The following DDB2 variants were observed in gnomAD, a reference collection of about 807,000 sequenced individuals.
DDB2 encodes the protein damage specific DNA binding protein 2.
A neutral mutation model predicts 50.5 loss-of-function variants in DDB2; 27 were observed. The ratio of observed to expected loss-of-function variants is 0.53; its 90% CI spans 0.39 to 0.74. DDB2 has a LOEUF of 0.74. Among genes scored for constraint, DDB2 ranks in the 30% least tolerant of loss-of-function variants. The pLI is 0.00. For synonymous variants in DDB2, 176 were observed against 205.5 expected, an observed-to-expected ratio of 0.86 and a Z score of 1.23; for missense variants, 424 against 545.6, an observed-to-expected ratio of 0.78 and a Z score of 2.22.
chr11:47,221,653 C>G (rs1310023445), intron 3 of DDB2: 4 of 152,296 alleles, frequency 2.6e-5, no homozygotes, highest in Non-Finnish European at 4.4e-5. Context: ...CCGTGTTGGC[C>G]AGGCTCGTCT....
upstream of DDB2, chr11:47,214,940 G>A (rs1953377716): frequency 2.8e-6 from 2 of 716,256 alleles, no homozygotes; most frequent in Non-Finnish European, 4.5e-6. Context: ...AAGGGGCGGG[G>A]TCTCCGAGAC....
At chr11:47,218,167 A>G (rs1191987303) in intron 3 of DDB2, among the ~76,000 whole-genome samples, 4 of 152,166 alleles carry the variant, frequency 2.6e-5, no homozygotes, top group African/African-American at 7.2e-5. Context: ...CATTCCCTGT[A>G]TCATTACCCT....
chr11:47,228,714 T>C (rs566912178), intron 3 of DDB2, among the ~76,000 whole-genome samples: 12 of 151,274 alleles, frequency 7.9e-5, no homozygotes, highest in African/African-American at 2.9e-4. Context: ...TCATGACTGT[T>C]GGGAGGCCGA....
At chr11:47,220,920 GA>G (rs1953476251) in intron 3 of DDB2, among the ~76,000 whole-genome samples, 1 of 152,178 alleles carries the variant, frequency 6.6e-6, no homozygotes, top group Non-Finnish European at 1.5e-5. Flanking sequence ...AGCACTTTGG[GA>G]GGCCGAGGCG....
intron 7 of DDB2, 56 bp from the exon 8 acceptor site, chr11:47,237,781 G>A: frequency 1.9e-6 from 3 of 1,568,738 alleles, no homozygotes. Context: ...TGTTTTTGAT[G>A]TCCCCCTTGA....
At chr11:47,235,458 G>C (rs1406399173) in intron 7 of DDB2, 46 bp downstream of exon 7, 1 of 1,591,096 alleles carries the variant, frequency 6.3e-7, no homozygotes, top group Non-Finnish European at 8.5e-7. Flanking sequence ...CTGTGATCAT[G>C]AGGCCGGAGC....
intron 4 of DDB2, 128 bp downstream of exon 4, chr11:47,233,087 G>A (rs948965666): frequency 2.7e-5 from 31 of 1,142,094 alleles, no homozygotes; most frequent in Admixed American, 2.2e-4. Flanking sequence ...GCCACTTTCC[G>A]CCCTTCTTTC....
chr11:47,221,931 G>T (rs904876715), intron 3 of DDB2, among the ~76,000 whole-genome samples: 12 of 152,204 alleles, frequency 7.9e-5, no homozygotes, highest in African/African-American at 2.7e-4. Context: ...ATAAACTGCA[G>T]CTATTTCAAG....
intron 7 of DDB2, 160 bp from the exon 8 acceptor site, chr11:47,237,677 C>T (rs772949340): frequency 6.6e-5 from 47 of 710,624 alleles, no homozygotes; most frequent in East Asian, 4.7e-4. Flanking sequence ...CCTCGTGATC[C>T]GCCTGCCTCA....
Position 47,237,859 on chromosome 11 carries a change from A to G in DDB2, c.1046A>G (p.Asn349Ser). Residue 349 changes from asparagine (N) to serine (S), a missense_variant, in exon 8 of 10, where the codon AAC (asparagine) becomes AGC (serine). Transcript: ENST00000256996. Reference sequence around the variant, plus strand: ...TAGGCAGCCTGGCATCCTCGCTACAACCTCATTGTTGTGGGCCGATACCCA... The same window carrying G: ...TAGGCAGCCTGGCATCCTCGCTACAGCCTCATTGTTGTGGGCCGATACCCA... ...PIKAAWHPRY[N>S]LIVVGRYPDP... 1 of 1,613,894 alleles carries G rather than the reference A, an allele frequency of 6.2e-7. No homozygotes were observed. The highest frequency in any genetic ancestry group is 8.5e-7 in the Non-Finnish European group (1 of 1,179,962).
rs199920301 is a variant in DDB2, at chr11:47,237,980, A to G, written c.1167A>G (p.Pro389=). ...AGATGATGTGTCAGCTCTATGACCC[A>G]GAATCTTCTGGCATCAGTTCGGTGA... ...SGKMMCQLYD[P]ESSGISSLNE... Residue 389 remains proline (P), a synonymous_variant, in exon 8 of 10, where the codon CCA becomes CCG. Transcript: ENST00000256996. 2 of 1,614,244 alleles carry G rather than the reference A, an allele frequency of 1.2e-6. No homozygotes were observed. Among genetic ancestry groups the G allele is most frequent in the East Asian group, 4.5e-5 (2 of 44,880 alleles).
intron 6 of DDB2, 106 bp from the exon 7 acceptor site, chr11:47,235,164 C>G (rs1953707013): frequency 1.3e-6 from 2 of 1,511,098 alleles, no homozygotes; most frequent in South Asian, 2.3e-5. Flanking sequence ...CCGCTCCTGT[C>G]TAGAGAGGAG....
chr11:47,215,963 A>G (rs1953394693), intron 1 of DDB2: 1 of 340,994 alleles, frequency 2.9e-6, no homozygotes, highest in Admixed American at 4.4e-5. Flanking sequence ...AAATCTTTTT[A>G]TTGTGCATTA....
At chr11:47,221,438 A>C (rs2135491435) in intron 3 of DDB2, among the ~76,000 whole-genome samples, 1 of 149,522 alleles carries the variant, frequency 6.7e-6, no homozygotes, top group Middle Eastern at 3.5e-3. Context: ...CACACCAGCT[A>C]ATTTTTGTTT....
intron 3 of DDB2, among the ~76,000 whole-genome samples, chr11:47,222,314 T>C (rs1398040914): frequency 6.6e-6 from 1 of 152,206 alleles, no homozygotes; most frequent in Admixed American, 6.6e-5. Flanking sequence ...TTGAAATTTA[T>C]CTACATTTTT....
chr11:47,236,525 G>C (rs1483944726), intron 7 of DDB2, among the ~76,000 whole-genome samples: 1 of 152,174 alleles, frequency 6.6e-6, no homozygotes, highest in Non-Finnish European at 1.5e-5. Flanking sequence ...GTTTCCAGCA[G>C]CCAGACCCCC....
chr11:47,238,371 A>T (rs1018284145), intron 9 of DDB2, among the ~76,000 whole-genome samples, 188 bp downstream of exon 9: 10 of 151,546 alleles, frequency 6.6e-5, no homozygotes, highest in African/African-American at 2.2e-4. Context: ...TGGTCATGCA[A>T]TGCCTGGCTA....
At chr11:47,236,345 C>A (rs1339827498) in intron 7 of DDB2, among the ~76,000 whole-genome samples, 2 of 152,166 alleles carry the variant, frequency 1.3e-5, no homozygotes, top group African/African-American at 2.4e-5. Context: ...TATCATTAGT[C>A]CCCAACACTA....
chr11:47,218,074 G>T (rs1252118666), intron 3 of DDB2, among the ~76,000 whole-genome samples: 1 of 152,132 alleles, frequency 6.6e-6, no homozygotes, highest in African/African-American at 2.4e-5. Flanking sequence ...CGTCTTCTCT[G>T]CAGGTCTTTG....
Sources: gnomAD v4.1 joint callset for allele counts (sites outside exome capture counted in the v4.1 genomes callset) on GRCh38, gnomAD v4.1.1 for gene constraint, MANE v1.5 for transcripts, NCBI Gene and HGNC (gene_info 2026-07-23, HGNC 2026-07-21) for gene names.